XYLB: variants seen among roughly 807,000 people sequenced by gnomAD.
XYLB encodes the protein xylulokinase, also known as xylulose kinase.
XYLB carries 62 observed loss-of-function variants against 78.7 expected under a neutral mutation model. That is an observed-to-expected ratio of 0.79 (90% CI 0.64 to 0.97). The LOEUF is 0.97. XYLB is among the 50% of genes least tolerant of loss of function. The probability of loss-of-function intolerance (pLI) is 0.00; values close to 1 mark genes in which losing one functional copy is unlikely to be tolerated. For synonymous variants in XYLB, 245 were observed against 247.4 expected (o/e 0.99, Z 0.09); for missense variants, 687 against 676.8 (o/e 1.02, Z -0.17).
chr3:38,364,770 G>A (rs996271804), intron 4 of XYLB, among the ~76,000 whole-genome samples: 15 of 152,066 alleles, frequency 9.9e-5, no homozygotes, highest in African/African-American at 3.6e-4. Flanking sequence ...AACTCCAGTA[G>A]CCTGAAGAAT....
At chr3:38,370,405 G>A (rs1299603150) in intron 9 of XYLB, 9 of 394,460 alleles carry the variant, frequency 2.3e-5, no homozygotes, top group Middle Eastern at 1.3e-3. Flanking sequence ...TATGGTCAGC[G>A]GGACTTTGGA....
At position 38,365,717 on chromosome 3, in the gene XYLB, C is replaced by T. The variant is rs751346841; in HGVS notation, c.488C>T (p.Thr163Met). 28 of 1,613,258 alleles carry T rather than the reference C, an allele frequency of 1.7e-5. No homozygotes were observed. The highest frequency in any genetic ancestry group is 9.9e-5 in the South Asian group (9 of 91,012). The change falls in exon 6 of 19, where the codon ACG (threonine) becomes ATG (methionine). Residue 163 changes from threonine (T) to methionine (M), a missense_variant. Transcript: ENST00000207870. ...GGTGCTCAGGCTCTCAGCTGCCTCA[C>T]GGGGTCCCGTGCCTATGAGGTAGGC... Reference protein sequence around the residue: ...VGGAQALSCLTGSRAYERFTG... With the variant: ...VGGAQALSCLMGSRAYERFTG...
chr3:38,365,180 T>A lies in XYLB; in HGVS notation c.292-19T>A. ...ACTGGTGTGTGGTCATGTGACCATG[T>A]GCTTGGGTTTCCCAACAGCAACACG... On this transcript the variant is annotated intron_variant, in intron 4 of 18. Coordinates refer to ENST00000207870, the MANE Select transcript of XYLB (RefSeq NM_005108.4). 1 of 1,613,612 alleles carries A rather than the reference T, an allele frequency of 6.2e-7. No individual in the cohort carries two copies. Among genetic ancestry groups the A allele is most frequent in the Non-Finnish European group, 8.5e-7 (1 of 1,179,568 alleles).
At chr3:38,442,401 T>A in the XYLB span, among the ~76,000 whole-genome samples, 2 of 152,198 alleles carry the variant, frequency 1.3e-5, no homozygotes, top group Non-Finnish European at 2.9e-5. Context: ...GGCCAGTGCC[T>A]GACCAAACAG....
intron 14 of XYLB, 120 bp from the exon 15 acceptor site, chr3:38,379,126 C>A: frequency 1.0e-6 from 1 of 955,036 alleles, no homozygotes; most frequent in Non-Finnish European, 1.7e-6. Context: ...GGTTAAAGAG[C>A]CCAGCTATGA....
the XYLB span, among the ~76,000 whole-genome samples, chr3:38,450,312 T>TA: frequency 6.6e-6 from 1 of 152,252 alleles, no homozygotes; most frequent in Non-Finnish European, 1.5e-5. Context: ...TGAATGTATT[T>TA]AATCCCTTAA....
Position 38,365,189 on chromosome 3 carries a change from T to C in XYLB, c.292-10T>C, listed in dbSNP as rs753611739. 6.2e-7 allele frequency: 1 copy of C among 1,614,050 alleles called. No individual in the cohort carries two copies. Among genetic ancestry groups the C allele is most frequent in the South Asian group, 1.1e-5 (1 of 91,068 alleles). On this transcript the variant is annotated splice_polypyrimidine_tract_variant and intron_variant, in intron 4 of 18. Coordinates refer to ENST00000207870, the MANE Select transcript of XYLB (RefSeq NM_005108.4). The stretch of plus-strand genomic sequence containing the variant: ...TGGTCATGTGACCATGTGCTTGGGT[T>C]TCCCAACAGCAACACGGAAGTATAT...
intron 2 of XYLB, chr3:38,355,604 T>C (rs756864637): frequency 3.2e-5 from 19 of 602,702 alleles, no homozygotes; most frequent in African/African-American, 9.1e-5. Flanking sequence ...CCTGCCTTCC[T>C]TGTAGTTATG....
intron 3 of XYLB, among the ~76,000 whole-genome samples, chr3:38,362,137 C>T (rs704936): frequency 0.89 from 136,080 of 152,262 alleles, 61,399 homozygotes; most frequent in East Asian, 1. Context: ...TTTGCTCTCA[C>T]GGGAGCTCTC....
chr3:38,391,216 A>G (rs1376478422), intron 15 of XYLB, among the ~76,000 whole-genome samples: 5 of 124,122 alleles, frequency 4.0e-5, no homozygotes, highest in Admixed American at 1.8e-4. Flanking sequence ...TTCATCTCAA[A>G]AACAACAACA....
At chr3:38,439,955 A>G in the XYLB span, among the ~76,000 whole-genome samples, 1 of 152,302 alleles carries the variant, frequency 6.6e-6, no homozygotes, top group East Asian at 1.9e-4. Context: ...CACTGCTACC[A>G]AAGAGTCTAT....
chr3:38,376,391 G>T (rs1026680153), intron 13 of XYLB, among the ~76,000 whole-genome samples, 159 bp downstream of exon 13: 1 of 152,188 alleles, frequency 6.6e-6, no homozygotes, highest in Admixed American at 6.5e-5. Context: ...CTACAAGCTG[G>T]TGTGGAACCC....
chr3:38,367,763 G>A (rs775052188), intron 7 of XYLB, among the ~76,000 whole-genome samples: 1 of 152,116 alleles, frequency 6.6e-6, no homozygotes, highest in Non-Finnish European at 1.5e-5. Context: ...CTTTCCTGAC[G>A]CCCTGAGAGT....
the XYLB span, among the ~76,000 whole-genome samples, chr3:38,442,109 C>T: frequency 6.6e-6 from 1 of 152,110 alleles, no homozygotes; most frequent in African/African-American, 2.4e-5. Context: ...GGAACCCCTG[C>T]AATTGTTTTA....
At chr3:38,355,902 A>G (rs1409797509) in intron 2 of XYLB, 3 of 652,064 alleles carry the variant, frequency 4.6e-6, no homozygotes, top group African/African-American at 3.6e-5. Context: ...ATCAAGCCAT[A>G]GAAATGTGTT....
chr3:38,417,610 A>T (rs1341863624), downstream of XYLB, among the ~76,000 whole-genome samples: 1 of 152,100 alleles, frequency 6.6e-6, no homozygotes, highest in South Asian at 2.1e-4. Flanking sequence ...GCCCAGGCAT[A>T]GTAGCTCATG....
intron 15 of XYLB, among the ~76,000 whole-genome samples, chr3:38,382,140 T>G (rs1264120566): frequency 6.6e-6 from 1 of 152,128 alleles, no homozygotes; most frequent in East Asian, 1.9e-4. Flanking sequence ...CCTACGTGAT[T>G]ATCGGGGCAG....
downstream of XYLB, among the ~76,000 whole-genome samples, chr3:38,424,532 G>T (rs746105388): frequency 2.0e-5 from 3 of 152,082 alleles, no homozygotes; most frequent in Non-Finnish European, 4.4e-5. Context: ...AAATTTAAAC[G>T]AATTGAAGGT....
In XYLB at chr3:38,414,750, C is replaced by G. The variant is rs1201776107; in HGVS notation, c.*1737C>G. ...ATATGGTCACAAGTACATTAAGGCA[C>G]GTAGAAGGTAGGAGTAAGAAAAGCT... On this transcript the variant is annotated 3_prime_UTR_variant, in exon 19 of 19. Transcript: ENST00000207870. The G allele has an allele frequency of 6.6e-6, 1 of 151,800 alleles. No homozygotes were observed. Among genetic ancestry groups the G allele is most frequent in the East Asian group, 1.9e-4 (1 of 5,190 alleles). 9.4% of individuals were successfully genotyped at this position (151,800 alleles called of 1,614,324 possible).
Sources: allele counts gnomAD v4.1 joint callset (sites outside exome capture counted in the v4.1 genomes callset), GRCh38; gene constraint gnomAD v4.1.1; transcripts MANE v1.5; gene names NCBI Gene and HGNC (gene_info 2026-07-23, HGNC 2026-07-21).